The following NCALD variants were observed in gnomAD, a reference collection of about 807,000 sequenced individuals.
NCALD encodes neurocalcin-delta.
A neutral mutation model predicts 18.6 loss-of-function variants in NCALD; 10 were observed. That is an observed-to-expected ratio of 0.54 (90% CI 0.33 to 0.91). The LOEUF is 0.91. Among genes scored for constraint, NCALD ranks in the 40% least tolerant of loss-of-function variants. The probability of loss-of-function intolerance (pLI) is 0.03; values close to 1 mark genes in which losing one functional copy is unlikely to be tolerated. For missense variants in NCALD, 184 were observed against 247.6 expected (o/e 0.74, Z 1.72); for synonymous variants, 88 against 87.4 (o/e 1.01, Z -0.04).
intron 1 of NCALD, among the ~76,000 whole-genome samples, chr8:102,083,623 C>A (rs1229511025): frequency 1.3e-5 from 2 of 152,206 alleles, no homozygotes; most frequent in African/African-American, 2.4e-5. Context: ...CCATCCCTAT[C>A]CCCTCCCAGT....
chr8:101,731,470 CCCT>C (rs898146824), intron 1 of NCALD, among the ~76,000 whole-genome samples: 7 of 152,122 alleles, frequency 4.6e-5, no homozygotes, highest in Admixed American at 6.6e-5. Context: ...CTTACATACC[CCCT>C]AAGATGAGAA....
intron 1 of NCALD, among the ~76,000 whole-genome samples, chr8:101,741,689 G>A (rs1810190694): frequency 6.8e-6 from 1 of 148,142 alleles, no homozygotes; most frequent in Non-Finnish European, 1.5e-5. Flanking sequence ...CATTTTGGGA[G>A]GCTGAGGCAG....
At chr8:102,072,919 T>C (rs776454952) in intron 1 of NCALD, among the ~76,000 whole-genome samples, 5 of 152,200 alleles carry the variant, frequency 3.3e-5, no homozygotes, top group African/African-American at 9.6e-5. Context: ...GAACAACTTA[T>C]CTGTATGTGT....
intron 1 of NCALD, among the ~76,000 whole-genome samples, chr8:102,109,300 GT>G (rs562357762): frequency 0.21 from 30,971 of 146,832 alleles, 4,015 homozygotes; most frequent in African/African-American, 0.37. Flanking sequence ...GAAATGAAAG[GT>G]TTTTTTTTTT....
intron 2 of NCALD, among the ~76,000 whole-genome samples, chr8:102,017,963 C>T (rs772547852): frequency 9.2e-5 from 14 of 152,050 alleles, no homozygotes; most frequent in Admixed American, 6.6e-4. Context: ...AAAGAAGATA[C>T]GCAGATGGCA....
intron 2 of NCALD, among the ~76,000 whole-genome samples, chr8:101,993,028 A>C (rs751786304): frequency 2.7e-5 from 4 of 147,110 alleles, no homozygotes; most frequent in Non-Finnish European, 4.5e-5. Context: ...TGGTGGTCTC[A>C]TGCTTATTAG....
intron 3 of NCALD, among the ~76,000 whole-genome samples, chr8:101,897,422 C>T (rs1218817703): frequency 2.7e-5 from 4 of 145,864 alleles, no homozygotes; most frequent in East Asian, 4.2e-4. Flanking sequence ...TGCTAGATGA[C>T]GAGTTAGTGG....
intron 1 of NCALD, among the ~76,000 whole-genome samples, chr8:101,762,211 C>G (rs1382176243): frequency 4.6e-5 from 7 of 152,272 alleles, no homozygotes; most frequent in South Asian, 2.1e-4. Flanking sequence ...CCCAACCCCC[C>G]CACAGAGCCT....
chr8:101,985,780 T>C (rs1820784875), intron 2 of NCALD, among the ~76,000 whole-genome samples: 1 of 152,178 alleles, frequency 6.6e-6, no homozygotes. Flanking sequence ...GGAAAGACTA[T>C]TTATACTCAA....
intron 1 of NCALD, among the ~76,000 whole-genome samples, chr8:101,740,850 A>T (rs1016656105): frequency 6.6e-6 from 1 of 151,908 alleles, no homozygotes; most frequent in Non-Finnish European, 1.5e-5. Context: ...ACCCCCATCC[A>T]TCCCCCTTCC....
At chr8:101,774,388 A>G (rs185611242) in intron 1 of NCALD, among the ~76,000 whole-genome samples, 2 of 152,336 alleles carry the variant, frequency 1.3e-5, no homozygotes, top group East Asian at 3.9e-4. Flanking sequence ...GCTTTCTTAA[A>G]ATAGAAACTT....
At chr8:102,058,614 G>A (rs995088416) in intron 1 of NCALD, among the ~76,000 whole-genome samples, 4 of 152,030 alleles carry the variant, frequency 2.6e-5, no homozygotes, top group South Asian at 2.1e-4. Flanking sequence ...TCTCTCCCTC[G>A]CTCTTGGCCT....
chr8:101,801,116 CAA>C (rs1812833937), intron 4 of NCALD, among the ~76,000 whole-genome samples: 1 of 151,488 alleles, frequency 6.6e-6, no homozygotes, highest in Non-Finnish European at 1.5e-5. Flanking sequence ...GAGAAAGAAA[CAA>C]AGAAAGAAAG....
chr8:101,710,647 T>G (rs1037315903), intron 2 of NCALD, among the ~76,000 whole-genome samples: 4 of 152,216 alleles, frequency 2.6e-5, no homozygotes, highest in Admixed American at 6.5e-5. Context: ...ACAAAGCCAC[T>G]GGGAGGTTTG....
chr8:102,101,385 T>C (rs56844350), intron 1 of NCALD, among the ~76,000 whole-genome samples: 36,646 of 152,242 alleles, frequency 0.24, 4,714 homozygotes, highest in African/African-American at 0.29. Flanking sequence ...ATAAAGGGTG[T>C]CTGCAGGCCT....
chr8:102,011,144 G>A (rs1470185583), intron 2 of NCALD, among the ~76,000 whole-genome samples: 1 of 152,072 alleles, frequency 6.6e-6, no homozygotes, highest in Non-Finnish European at 1.5e-5. Context: ...AGTCCTCTTT[G>A]ACTTCTACCC....
intron 1 of NCALD, among the ~76,000 whole-genome samples, chr8:102,060,356 T>C (rs1167272843): frequency 1.3e-5 from 2 of 152,210 alleles, no homozygotes; most frequent in Admixed American, 1.3e-4. Flanking sequence ...ATCAATGTTC[T>C]AGGGCATAGA....
chr8:102,001,411 G>A (rs1347950672), intron 2 of NCALD, among the ~76,000 whole-genome samples: 1 of 152,226 alleles, frequency 6.6e-6, no homozygotes, highest in Non-Finnish European at 1.5e-5. Context: ...TGGTGTACCT[G>A]AAAGTGATGG....
intron 1 of NCALD, among the ~76,000 whole-genome samples, chr8:102,060,291 T>C (rs1280898379): frequency 6.6e-6 from 1 of 152,204 alleles, no homozygotes; most frequent in Non-Finnish European, 1.5e-5. Context: ...TGAAGTTGTA[T>C]TTCTGACAAG....
Sources: gnomAD v4.1 joint callset for allele counts (sites outside exome capture counted in the v4.1 genomes callset) on GRCh38, gnomAD v4.1.1 for gene constraint, MANE v1.5 for transcripts, NCBI Gene and HGNC (gene_info 2026-07-23, HGNC 2026-07-21) for gene names.